PPFIA2: variants seen among roughly 807,000 people sequenced by gnomAD.
PPFIA2 encodes the protein PPFI scaffold protein A2.
PPFIA2 carries 46 observed loss-of-function variants against 175.5 expected under a neutral mutation model. The ratio of observed to expected loss-of-function variants is 0.26; its 90% CI spans 0.21 to 0.34. The LOEUF (loss-of-function observed/expected upper bound fraction) is 0.34. Among genes scored for constraint, PPFIA2 ranks in the 10% least tolerant of loss-of-function variants. The pLI is 1.00. For missense variants in PPFIA2, 1,179 were observed against 1,506.1 expected (o/e 0.78, Z 3.60); for synonymous variants, 568 against 511.4 (o/e 1.11, Z -1.49).
chr12:81,593,482 G>A (rs1007482982), intron 4 of PPFIA2, among the ~76,000 whole-genome samples: 1 of 152,068 alleles, frequency 6.6e-6, no homozygotes, highest in African/African-American at 2.4e-5. Flanking sequence ...ATTTTAATAG[G>A]TAAATCATTT....
rs547085352 is a variant in PPFIA2, at chr12:81,641,043, A to C, written c.303+35748T>G. Among the ~76,000 whole-genome samples the C allele has an allele frequency of 6.5e-4, 99 of 152,272 alleles. 1 individual carries two copies. The highest frequency in any genetic ancestry group is 2.2e-3 in the African/African-American group (93 of 41,570). The stretch of plus-strand genomic sequence containing the variant: ...ATTTTTATACATGTACATAATGTGT[A>C]ATGCTCAAATCAGGGCAATTAAGGA... On this transcript the variant is annotated intron_variant, in intron 4 of 32. Coordinates refer to ENST00000549396, the MANE Select transcript of PPFIA2 (RefSeq NM_003625.5).
At chr12:81,383,941 G>T in intron 9 of PPFIA2, 82 bp downstream of exon 9, 1 of 1,126,982 alleles carries the variant, frequency 8.9e-7, no homozygotes, top group Non-Finnish European at 1.3e-6. Context: ...AAAAGTGTAT[G>T]GTCATTACGG....
At chr12:81,661,112 A>T (rs1358656591) in intron 4 of PPFIA2, among the ~76,000 whole-genome samples, 1 of 152,242 alleles carries the variant, frequency 6.6e-6, no homozygotes, top group Non-Finnish European at 1.5e-5. Context: ...TGTAAAGACC[A>T]TCGAGGCTAG....
Position 81,418,752 on chromosome 12 carries a change from C to T in PPFIA2, c.646-12849G>A, listed in dbSNP as rs922198283. On this transcript the variant is annotated intron_variant, in intron 7 of 32. Transcript: ENST00000549396. ...GATACAGTTAAAGTCAGAACTATAA[C>T]TAAAATTCCTGAGTTTTAGGTTTAT... Among the ~76,000 whole-genome samples the T allele has an allele frequency of 5.9e-5, 9 of 151,952 alleles. No individual in the cohort carries two copies. In the South Asian group the frequency reaches 8.3e-4, roughly 14 times the overall value.
intron 5 of PPFIA2, 92 bp downstream of exon 5, chr12:81,457,673 A>T: frequency 1.5e-6 from 1 of 688,818 alleles, no homozygotes; most frequent in Non-Finnish European, 2.4e-6. Context: ...ATAAAGTTTT[A>T]AAATGCATAT....
intron 21 of PPFIA2, among the ~76,000 whole-genome samples, chr12:81,335,961 T>C (rs2057064369): frequency 6.6e-6 from 1 of 152,168 alleles, no homozygotes; most frequent in African/African-American, 2.4e-5. Context: ...GGAATTTGAA[T>C]TCTTTACATG....
intron 3 of PPFIA2, among the ~76,000 whole-genome samples, chr12:81,694,076 A>G (rs1458213857): frequency 6.6e-6 from 1 of 152,192 alleles, no homozygotes; most frequent in Non-Finnish European, 1.5e-5. Context: ...TGTTTAAAAA[A>G]ACAATGCATA....
At chr12:81,507,051 T>C (rs992690886) in intron 4 of PPFIA2, among the ~76,000 whole-genome samples, 2 of 152,196 alleles carry the variant, frequency 1.3e-5, no homozygotes, top group African/African-American at 2.4e-5. Flanking sequence ...CTTAAGAGAA[T>C]TGAGAAAATA....
intron 14 of PPFIA2, among the ~76,000 whole-genome samples, chr12:81,366,050 C>T (rs1270441056): frequency 7.6e-6 from 1 of 131,032 alleles, no homozygotes; most frequent in Non-Finnish European, 1.6e-5. Flanking sequence ...TCCCTCTTCC[C>T]TTTCCTTCCC....
At chr12:81,664,738 G>A (rs1013626755) in intron 4 of PPFIA2, among the ~76,000 whole-genome samples, 4 of 152,162 alleles carry the variant, frequency 2.6e-5, no homozygotes, top group Non-Finnish European at 5.9e-5. Flanking sequence ...ACATGCACAT[G>A]CATGTTTATT....
At chr12:81,631,389 T>C (rs1044427756) in intron 4 of PPFIA2, among the ~76,000 whole-genome samples, 10 of 152,162 alleles carry the variant, frequency 6.6e-5, no homozygotes, top group Admixed American at 3.9e-4. Context: ...TTCTGGAACA[T>C]TGAATGAATG....
At chr12:81,624,177 T>A (rs2062404530) in intron 4 of PPFIA2, among the ~76,000 whole-genome samples, 1 of 151,754 alleles carries the variant, frequency 6.6e-6, no homozygotes, top group South Asian at 2.1e-4. Flanking sequence ...TGTATATATA[T>A]GTATAAAACC....
chr12:81,535,911 C>T (rs188862431), intron 4 of PPFIA2, among the ~76,000 whole-genome samples: 10 of 151,826 alleles, frequency 6.6e-5, no homozygotes, highest in Non-Finnish European at 1.5e-4. Context: ...CTAAATAAAA[C>T]CAGAATATAA....
chr12:81,286,914 CCCTT>C (rs1299445905), intron 24 of PPFIA2, among the ~76,000 whole-genome samples: 4 of 151,922 alleles, frequency 2.6e-5, no homozygotes, highest in African/African-American at 9.7e-5. Flanking sequence ...CCTTAAAAGT[CCCTT>C]CCTTGTATTC....
chr12:81,537,805 C>T (rs779106777), intron 4 of PPFIA2, among the ~76,000 whole-genome samples: 48 of 151,800 alleles, frequency 3.2e-4, no homozygotes, highest in Non-Finnish European at 5.3e-4. Context: ...TCAATCTGAA[C>T]AAAAGATGAG....
At chr12:81,758,574 C>G in intron 1 of PPFIA2, 67 bp from the exon 2 acceptor site, 1 of 375,656 alleles carries the variant, frequency 2.7e-6, no homozygotes, top group Non-Finnish European at 5.4e-6. Context: ...GAACGTGCCC[C>G]GGCCCGGTGG....
Position 81,375,800 on chromosome 12 carries a change from C to A in PPFIA2, c.1127G>T (p.Arg376Leu). The change falls in exon 10 of 33, where the codon CGG (arginine) becomes CTG (leucine). Residue 376 changes from arginine (R) to leucine (L), a missense_variant. Transcript: ENST00000549396. ...NELANKEAIL[R>L]QMEEKNRQLQ... Reference sequence around the variant, plus strand: ...ACCAAGACAGAGATACTGAACCTGCCGCAGGATAGCTTCTTTATTTGCTAA... The same window carrying A: ...ACCAAGACAGAGATACTGAACCTGCAGCAGGATAGCTTCTTTATTTGCTAA... The A allele has an allele frequency of 1.9e-6, 3 of 1,605,864 alleles. No homozygotes were observed. Among genetic ancestry groups the A allele is most frequent in the Non-Finnish European group, 2.6e-6 (3 of 1,173,348 alleles).
At position 81,617,892 on chromosome 12, in the gene PPFIA2, A is replaced by T. The variant is rs1307298717; in HGVS notation, c.303+58899T>A. 2.0e-5 allele frequency among the ~76,000 whole-genome samples: 3 copies of T among 152,240 alleles called. No homozygotes were observed. The East Asian group carries it at 5.8e-4, about 29-fold the overall frequency. Reference sequence around the variant, plus strand: ...GGAGAAGTGCAGAAAAACATGTAAAAAGTAAATGAAACTGTATGTGACAGT... The same window carrying T: ...GGAGAAGTGCAGAAAAACATGTAAATAGTAAATGAAACTGTATGTGACAGT... On this transcript the variant is annotated intron_variant, in intron 4 of 32. Coordinates refer to ENST00000549396, the MANE Select transcript of PPFIA2 (RefSeq NM_003625.5).
At chr12:81,696,953 A>G (rs1385478788) in intron 3 of PPFIA2, among the ~76,000 whole-genome samples, 2 of 151,900 alleles carry the variant, frequency 1.3e-5, no homozygotes, top group Non-Finnish European at 2.9e-5. Flanking sequence ...TTCTCTTGAG[A>G]AATAGGTTTT....
Sources: allele counts gnomAD v4.1 joint callset (sites outside exome capture counted in the v4.1 genomes callset), GRCh38; gene constraint gnomAD v4.1.1; transcripts MANE v1.5; gene names NCBI Gene and HGNC (gene_info 2026-07-23, HGNC 2026-07-21).